Variants in RGL3 observed in about 807,000 individuals in gnomAD.
RGL3 encodes the protein ral guanine nucleotide dissociation stimulator-like 3.
RGL3 carries 85 observed loss-of-function variants against 90.6 expected under a neutral mutation model. The ratio of observed to expected loss-of-function variants is 0.94; its 90% CI spans 0.79 to 1.12. The LOEUF (loss-of-function observed/expected upper bound fraction) is 1.12. Ranked by LOEUF, RGL3 falls within the 50% of genes most tolerant of loss-of-function variation. RGL3 has a pLI of 0.00. For synonymous variants in RGL3, 408 were observed against 385.5 expected (o/e 1.06, Z -0.68); for missense variants, 1,034 against 939.2 (o/e 1.10, Z -1.32).
In RGL3 at chr19:11,397,501, G is replaced by A. The variant is rs2291516; in HGVS notation, c.1843C>T (p.Arg615Cys). The change falls in exon 17 of 19, where the codon CGT (arginine) becomes TGT (cysteine). Residue 615 changes from arginine (R) to cysteine (C), a missense_variant. Coordinates refer to ENST00000380456, the MANE Select transcript of RGL3 (RefSeq NM_001035223.4). ...TTGTCGATGCTGACGCGGATGACAC[G>A]GGCCTCCGAGCTCTGCTGCGCCGGG... ...PLPAQQSSEA[R>C]VIRVSIDNDH... The A allele has an allele frequency of 0.12, 200,545 of 1,613,120 alleles. 15,917 individuals carry two copies. Among genetic ancestry groups the A allele is most frequent in the East Asian group, 0.34 (15,088 of 44,842 alleles).
Position 11,397,512 on chromosome 19 carries a change from C to G in RGL3, c.1832G>C (p.Ser611Thr), listed in dbSNP as rs552123333. 1 of 1,613,582 alleles carries G rather than the reference C, an allele frequency of 6.2e-7. No homozygotes were observed. Among genetic ancestry groups the G allele is most frequent in the Admixed American group, 1.7e-5 (1 of 59,984 alleles). Residue 611 changes from serine (S) to threonine (T), a missense_variant, in exon 17 of 19, where the codon AGC becomes ACC. Ser to Thr is a moderately conservative substitution (Grantham distance 58). Coordinates refer to ENST00000380456, the MANE Select transcript of RGL3 (RefSeq NM_001035223.4). ...SPRIPLPAQQSSEARVIRVSI... is the reference protein window; with the variant it reads ...SPRIPLPAQQTSEARVIRVSI... ...GACGCGGATGACACGGGCCTCCGAG[C>G]TCTGCTGCGCCGGGAGGGGGATTCG...
intron 13 of RGL3, among the ~76,000 whole-genome samples, chr19:11,401,531 G>GACTACAGGCGCCTGCC (rs1457480917): frequency 2.0e-5 from 3 of 151,638 alleles, no homozygotes; most frequent in Admixed American, 6.6e-5. Flanking sequence ...AAGTAGCTGG[G>GACTACAGGCGCCTGCC]ACTACAGGCG....
At chr19:11,402,789 T>A in intron 9 of RGL3, 83 bp from the exon 10 acceptor site, 1 of 1,171,734 alleles carries the variant, frequency 8.5e-7, no homozygotes, top group South Asian at 1.3e-5. Flanking sequence ...CCATCATATA[T>A]ACCCTTCATG....
At chr19:11,403,401 G>A (rs1445405440) in intron 9 of RGL3, among the ~76,000 whole-genome samples, 1 of 149,084 alleles carries the variant, frequency 6.7e-6, no homozygotes, top group East Asian at 2.0e-4. Flanking sequence ...CACTTTGGGA[G>A]GCCGAGGCTG....
intron 5 of RGL3, among the ~76,000 whole-genome samples, chr19:11,414,482 T>TAC (rs1555720212): frequency 8.0e-5 from 7 of 87,360 alleles, no homozygotes; most frequent in Admixed American, 3.1e-4. Context: ...TATATATATA[T>TAC]ACACCTTCAT....
chr19:11,400,216 G>T lies in RGL3; in HGVS notation c.1566C>A (p.Thr522=). The T allele has an allele frequency of 6.3e-7, 1 of 1,593,202 alleles. No homozygotes were observed. Among genetic ancestry groups the T allele is most frequent in the African/African-American group, 1.3e-5 (1 of 74,298 alleles). The part of the protein sequence containing the change: ...SPRIRRRISL[T]KRLSAKLARE... Reference sequence around the variant, plus strand: ...CCGAGACTCACGCACTGAGACGCTTGGTGAGGCTGATCCGCCGTCGGATGC... The same window carrying T: ...CCGAGACTCACGCACTGAGACGCTTTGTGAGGCTGATCCGCCGTCGGATGC... Residue 522 remains threonine, a synonymous_variant, in exon 14 of 19, where the codon ACC becomes ACA. Coordinates refer to ENST00000380456, the MANE Select transcript of RGL3 (RefSeq NM_001035223.4).
At chr19:11,396,662 CTTT>C (rs34889967) in intron 18 of RGL3, among the ~76,000 whole-genome samples, 13 of 123,088 alleles carry the variant, frequency 1.1e-4, no homozygotes, top group Admixed American at 3.3e-4. Flanking sequence ...CGTGGACAGT[CTTT>C]TTTTTTTTTT....
At chr19:11,400,412 G>A (rs900426601) in intron 13 of RGL3, 115 bp from the exon 14 acceptor site, 6 of 777,362 alleles carry the variant, frequency 7.7e-6, no homozygotes, top group Non-Finnish European at 1.2e-5. Context: ...GCAGCCAGAG[G>A]TGGCACCCCA....
At chr19:11,396,795 G>A (rs1968581017) in intron 18 of RGL3, among the ~76,000 whole-genome samples, 1 of 151,246 alleles carries the variant, frequency 6.6e-6, no homozygotes, top group Non-Finnish European at 1.5e-5. Context: ...AGCCTCCTGA[G>A]TAGCTGGGAC....
intron 5 of RGL3, chr19:11,411,569 C>T (rs973594413): frequency 6.6e-6 from 1 of 152,054 alleles, no homozygotes; most frequent in African/African-American, 2.4e-5. Flanking sequence ...AACCCAGTGT[C>T]CAAAAAAAGG....
intron 9 of RGL3, 113 bp downstream of exon 9, chr19:11,405,034 G>A: frequency 1.1e-6 from 1 of 876,612 alleles, no homozygotes. Context: ...TTGCTGAGCG[G>A]TAGGGAAGGA....
At position 11,414,464 on chromosome 19, in the gene RGL3, C is replaced by CATATATATACATATATATATACCTTCAT. The variant is rs1568341886; in HGVS notation, c.637+1472_637+1473insATGAAGGTATATATATATGTATATATAT. Among the ~76,000 whole-genome samples, 234 of 43,236 alleles carry CATATATATACATATATATATACCTTCAT rather than the reference C, an allele frequency of 5.4e-3. 17 individuals carry two copies. The highest frequency in any genetic ancestry group is 0.023 in the African/African-American group (215 of 9,288). The allele number at this position is 43,236 out of a possible 152,430, so 28.4% of individuals were successfully genotyped here. On this transcript the variant is annotated intron_variant, in intron 5 of 18. Transcript: ENST00000380456. ...ATATATACATATATATATATACCTT[C>CATATATATACATATATATATACCTTCAT]ATATATATATATATATATACACCTT... is the stretch of plus-strand genomic sequence containing the variant.
chr19:11,414,533 TTA>T (rs1555720275), intron 5 of RGL3, among the ~76,000 whole-genome samples: 1 of 67,352 alleles, frequency 1.5e-5, no homozygotes, highest in Non-Finnish European at 2.7e-5. Flanking sequence ...ATATATACCT[TTA>T]TATATATATA....
At position 11,407,710 on chromosome 19, in the gene RGL3, G is replaced by A. The variant is rs562014679; in HGVS notation, c.638-846C>T. ...TGCCTTTTTTTTTTTTTTTTAAGAC[G>A]GAGTCTGACTCTGTCGCCCAGGCTG... On this transcript the variant is annotated intron_variant, in intron 5 of 18. Transcript: ENST00000380456. Among the ~76,000 whole-genome samples, 522 of 148,960 alleles carry A rather than the reference G, an allele frequency of 3.5e-3. 4 individuals carry two copies. Among genetic ancestry groups the A allele is most frequent in the South Asian group, 0.015 (70 of 4,706 alleles).
In RGL3 at chr19:11,402,540, T is replaced by A; in HGVS notation, c.1244A>T (p.Lys415Ile). The A allele has an allele frequency of 6.2e-7, 1 of 1,604,774 alleles. No homozygotes were observed. The highest frequency in any genetic ancestry group is 8.5e-7 in the Non-Finnish European group (1 of 1,177,322). Residue 415 changes from lysine to isoleucine, a missense_variant and splice_region_variant, in exon 11 of 19, where the codon AAA becomes ATA. Coordinates refer to ENST00000380456, the MANE Select transcript of RGL3 (RefSeq NM_001035223.4). ...EDNTPGSLPS[K>I]PPPGPVPYLG... ...GTAGGGGACAGGGCCTGGGGGTGGT[T>A]TCTGCAGCCCCCAAAGCTCCAGTCA...
At chr19:11,399,603 T>G (rs1968635751) in intron 16 of RGL3, among the ~76,000 whole-genome samples, 1 of 152,050 alleles carries the variant, frequency 6.6e-6, no homozygotes, top group Admixed American at 6.6e-5. Context: ...GATTGCACCC[T>G]AGATGACCCA....
chr19:11,415,261 G>A (rs376102539), intron 5 of RGL3, among the ~76,000 whole-genome samples: 3 of 151,722 alleles, frequency 2.0e-5, no homozygotes, highest in South Asian at 2.1e-4. Flanking sequence ...AGACCCAGGC[G>A]GGAGGATCAC....
At chr19:11,418,525 CT>C (rs1969042880) in intron 2 of RGL3, 145 bp downstream of exon 2, 2 of 634,798 alleles carry the variant, frequency 3.2e-6, no homozygotes, top group Admixed American at 3.0e-5. Context: ...CCCCAGTCCC[CT>C]TTCTACCTGG....
In RGL3 at chr19:11,400,660, T is replaced by C. The variant is rs148910016; in HGVS notation, c.1485-363A>G. On this transcript the variant is annotated intron_variant, in intron 13 of 18. Transcript: ENST00000380456. The stretch of plus-strand genomic sequence containing the variant: ...TCGGGTCAAGAGTTCGAAACCAGCC[T>C]GGCCAATATAGTGAAACCCCGTCTC... Among the ~76,000 whole-genome samples the C allele has an allele frequency of 1.0e-3, 157 of 151,964 alleles. 2 individuals are homozygous for C. The East Asian group carries it at 0.028, about 27-fold the overall frequency.
Sources: allele counts gnomAD v4.1 joint callset (sites outside exome capture counted in the v4.1 genomes callset), GRCh38; gene constraint gnomAD v4.1.1; transcripts MANE v1.5; gene names NCBI Gene and HGNC (gene_info 2026-07-23, HGNC 2026-07-21).